ZSWIM6: variants seen among roughly 807,000 people sequenced by gnomAD.
The protein encoded by ZSWIM6 is zinc finger SWIM domain-containing protein 6.
Under a neutral mutation model 113.2 loss-of-function variants are expected in ZSWIM6, and 9 were observed. That is an observed-to-expected ratio of 0.08 (90% CI 0.05 to 0.14). The LOEUF is 0.14. Among genes scored for constraint, ZSWIM6 ranks in the 10% least tolerant of loss-of-function variants. The probability of loss-of-function intolerance (pLI) is 1.00; values close to 1 mark genes in which losing one functional copy is unlikely to be tolerated. For synonymous variants in ZSWIM6, 611 were observed against 606.5 expected, an observed-to-expected ratio of 1.01 and a Z score of -0.11; for missense variants, 1,162 against 1,552.2, an observed-to-expected ratio of 0.75 and a Z score of 4.22.
At chr5:61,512,709 G>T (rs982426733) in intron 4 of ZSWIM6, among the ~76,000 whole-genome samples, 5 of 151,860 alleles carry the variant, frequency 3.3e-5, no homozygotes, top group African/African-American at 4.8e-5. Flanking sequence ...ATCTTAATTT[G>T]TATTTTCTAA....
intron 7 of ZSWIM6, among the ~76,000 whole-genome samples, chr5:61,527,271 G>A (rs1222845417): frequency 6.6e-6 from 1 of 152,032 alleles, no homozygotes; most frequent in Non-Finnish European, 1.5e-5. Context: ...TGTTTCTTTA[G>A]CAGGTTCGTT....
At chr5:61,541,792 T>C in intron 12 of ZSWIM6, 92 bp from the exon 13 acceptor site, 1 of 926,142 alleles carries the variant, frequency 1.1e-6, no homozygotes, top group African/African-American at 1.6e-5. Context: ...AGACAGTAGG[T>C]ATGCCTTATA....
At chr5:61,375,666 T>A (rs2112073605) in intron 1 of ZSWIM6, 2 of 1,545,822 alleles carry the variant, frequency 1.3e-6, no homozygotes, top group South Asian at 1.2e-5. Context: ...AGATGTATTC[T>A]GAAGATAAAC....
At chr5:61,496,279 G>A (rs1194043109) in intron 4 of ZSWIM6, among the ~76,000 whole-genome samples, 1 of 152,086 alleles carries the variant, frequency 6.6e-6, no homozygotes, top group East Asian at 1.9e-4. Context: ...TTACTAGACT[G>A]CTAGAAATTC....
At chr5:61,450,370 C>A (rs1013580273) in intron 1 of ZSWIM6, among the ~76,000 whole-genome samples, 11 of 152,256 alleles carry the variant, frequency 7.2e-5, no homozygotes, top group Middle Eastern at 3.4e-3. Context: ...ATCAGTCTTT[C>A]CATTCTGCTG....
intron 2 of ZSWIM6, among the ~76,000 whole-genome samples, chr5:61,479,346 C>T (rs142348011): frequency 2.0e-5 from 3 of 152,158 alleles, no homozygotes; most frequent in Non-Finnish European, 4.4e-5. Context: ...TTACAAATCT[C>T]TAGCCCATGA....
chr5:61,333,574 C>T (rs1326572741), intron 1 of ZSWIM6, among the ~76,000 whole-genome samples: 5 of 151,784 alleles, frequency 3.3e-5, no homozygotes, highest in Admixed American at 6.5e-5. Flanking sequence ...CTGGCCCGGG[C>T]GAGCTCCACT....
At chr5:61,383,416 C>T (rs922232064) in intron 1 of ZSWIM6, among the ~76,000 whole-genome samples, 3 of 151,914 alleles carry the variant, frequency 2.0e-5, no homozygotes, top group East Asian at 3.9e-4. Context: ...CAGCAGCTGG[C>T]GGTAGTCATA....
chr5:61,415,917 A>G (rs1321388486), intron 1 of ZSWIM6, among the ~76,000 whole-genome samples: 1 of 152,234 alleles, frequency 6.6e-6, no homozygotes, highest in African/African-American at 2.4e-5. Context: ...AACATTTACC[A>G]ATGAAAGGTA....
chr5:61,446,380 G>C (rs1290879011), intron 1 of ZSWIM6, among the ~76,000 whole-genome samples: 2 of 152,170 alleles, frequency 1.3e-5, no homozygotes, highest in African/African-American at 4.8e-5. Context: ...ACTACTTTGT[G>C]ATCTGTGAAT....
At chr5:61,368,199 C>T (rs1348248773) in intron 1 of ZSWIM6, among the ~76,000 whole-genome samples, 1 of 150,896 alleles carries the variant, frequency 6.6e-6, no homozygotes, top group Non-Finnish European at 1.5e-5. Flanking sequence ...TTAAATAGCC[C>T]AGTGCCCAGC....
chr5:61,534,780 T>G (rs1749532767), intron 9 of ZSWIM6, among the ~76,000 whole-genome samples: 1 of 152,184 alleles, frequency 6.6e-6, no homozygotes, highest in Non-Finnish European at 1.5e-5. Context: ...AGAAATGAAT[T>G]TTGACAGCTT....
intron 3 of ZSWIM6, among the ~76,000 whole-genome samples, chr5:61,493,354 T>C (rs1487978444): frequency 6.6e-6 from 1 of 152,262 alleles, no homozygotes; most frequent in East Asian, 1.9e-4. Context: ...TCTCAAAAAT[T>C]GAAGGACTTG....
At chr5:61,518,000 C>T (rs1749003705) in intron 4 of ZSWIM6, among the ~76,000 whole-genome samples, 2 of 139,390 alleles carry the variant, frequency 1.4e-5, no homozygotes, top group South Asian at 2.3e-4. Context: ...CATGTGTTCT[C>T]ATTGTTCAAT....
chr5:61,362,174 G>A (rs944935074), intron 1 of ZSWIM6, among the ~76,000 whole-genome samples: 2 of 151,756 alleles, frequency 1.3e-5, no homozygotes, highest in Middle Eastern at 6.8e-3. Flanking sequence ...TTTTAAAATG[G>A]GAAATTGAGA....
chr5:61,406,622 G>GGTA (rs1746047962), intron 1 of ZSWIM6, among the ~76,000 whole-genome samples: 1 of 151,888 alleles, frequency 6.6e-6, no homozygotes. Context: ...TTTCCGAGTA[G>GGTA]GTATTTACTT....
intron 1 of ZSWIM6, among the ~76,000 whole-genome samples, chr5:61,450,065 T>C (rs1004999467): frequency 2.0e-5 from 3 of 152,186 alleles, no homozygotes; most frequent in Non-Finnish European, 4.4e-5. Context: ...GTGTTCCAAA[T>C]TGATATATCC....
Position 61,355,026 on chromosome 5 carries a change from CT to C in ZSWIM6, c.676+22079del, listed in dbSNP as rs1275611718. On this transcript the variant is annotated intron_variant, in intron 1 of 13. Transcript: ENST00000252744. ...TAAAGGTATCTCAAGCTGATTTGTC[CT>C]GTTTTTAATTCAGTATTAAAGTATT... Among the ~76,000 whole-genome samples the C allele has an allele frequency of 4.5e-4, 69 of 152,052 alleles. 1 individual carries two copies. Among genetic ancestry groups the C allele is most frequent in the Non-Finnish European group, 1.2e-4 (8 of 68,012 alleles).
chr5:61,409,071 G>GTTT (rs745675137), intron 1 of ZSWIM6, among the ~76,000 whole-genome samples: 10 of 118,696 alleles, frequency 8.4e-5, no homozygotes, highest in East Asian at 5.3e-4. Flanking sequence ...GAGGGGAAAG[G>GTTT]TTTTTTTTTT....
Sources: allele counts gnomAD v4.1 joint callset (sites outside exome capture counted in the v4.1 genomes callset), GRCh38; gene constraint gnomAD v4.1.1; transcripts MANE v1.5; gene names NCBI Gene and HGNC (gene_info 2026-07-23, HGNC 2026-07-21).